The following FBP2 variants were observed in gnomAD, a reference collection of about 807,000 sequenced individuals.
The protein encoded by FBP2 is fructose-1,6-bisphosphatase isozyme 2.
A neutral mutation model predicts 31.6 loss-of-function variants in FBP2; 27 were observed. That is an observed-to-expected ratio of 0.85 (90% CI 0.63 to 1.18). The LOEUF is 1.18. Among genes scored for constraint, FBP2 ranks in the 50% most tolerant of loss-of-function variants. The pLI is 0.00. For synonymous variants in FBP2, 168 were observed against 179.8 expected (o/e 0.93, Z 0.53); for missense variants, 421 against 436.1 (o/e 0.97, Z 0.31).
Position 94,584,616 on chromosome 9 carries a change from G to C in FBP2, c.387C>G (p.Cys129Trp). 6.2e-7 allele frequency: 1 copy of C among 1,613,726 alleles called. No individual in the cohort carries two copies. Among genetic ancestry groups the C allele is most frequent in the South Asian group, 1.1e-5 (1 of 91,074 alleles). ...CAAAGATGGTTCCGATGGAGGCCAG[G>C]CAGTCAATATTGGAAGATCCATCCA... Reference protein sequence around the residue: ...DPLDGSSNIDCLASIGTIFAI... With the variant: ...DPLDGSSNIDWLASIGTIFAI... Residue 129 changes from cysteine to tryptophan, a missense_variant, in exon 3 of 7, where the codon TGC (cysteine) becomes TGG (tryptophan). Cys to Trp is a radical substitution (Grantham distance 215). Transcript: ENST00000375337.
At chr9:94,580,725 T>A (rs570639376) in intron 3 of FBP2, among the ~76,000 whole-genome samples, 25 of 152,322 alleles carry the variant, frequency 1.6e-4, no homozygotes, top group African/African-American at 5.8e-4. Flanking sequence ...TTAAAATCAT[T>A]TTACAGGTTC....
intron 5 of FBP2, among the ~76,000 whole-genome samples, chr9:94,564,416 C>A (rs190615288): frequency 6.6e-6 from 1 of 152,150 alleles, no homozygotes; most frequent in African/African-American, 2.4e-5. Flanking sequence ...AACCTAAATG[C>A]CCATCAGTGG....
chr9:94,581,287 A>C (rs1827370152), intron 3 of FBP2, among the ~76,000 whole-genome samples: 2 of 152,164 alleles, frequency 1.3e-5, no homozygotes, highest in African/African-American at 4.8e-5. Context: ...AGAGCCTCCA[A>C]ATCCAGGACG....
intron 4 of FBP2, chr9:94,567,627 C>A: frequency 2.0e-6 from 1 of 507,246 alleles, no homozygotes; most frequent in Non-Finnish European, 3.5e-6. Flanking sequence ...ACACAGCAAG[C>A]AGGAAGACAA....
At chr9:94,582,351 C>CGTGTGTGTGT (rs71366248) in intron 3 of FBP2, among the ~76,000 whole-genome samples, 2 of 147,744 alleles carry the variant, frequency 1.4e-5, no homozygotes, top group South Asian at 2.2e-4. Context: ...TGTGTGTGTG[C>CGTGTGTGTGT]GTGTGTGTGT....
intron 1 of FBP2, among the ~76,000 whole-genome samples, chr9:94,591,783 G>T (rs913134413): frequency 6.6e-6 from 1 of 152,208 alleles, no homozygotes; most frequent in Admixed American, 6.5e-5. Flanking sequence ...AGTTAGGGAT[G>T]CTACTATACT....
intron 1 of FBP2, among the ~76,000 whole-genome samples, chr9:94,590,293 C>T (rs1039916100): frequency 6.6e-6 from 1 of 152,194 alleles, no homozygotes; most frequent in Non-Finnish European, 1.5e-5. Context: ...ATGAGAAAGC[C>T]AAGGAGAGGC....
intron 6 of FBP2, among the ~76,000 whole-genome samples, chr9:94,562,063 G>A (rs1827113942): frequency 1.3e-5 from 2 of 152,088 alleles, no homozygotes; most frequent in African/African-American, 4.8e-5. Context: ...TGTAATCCCA[G>A]CACTTTGGGA....
At chr9:94,585,406 A>G (rs1489426583) in intron 2 of FBP2, among the ~76,000 whole-genome samples, 1 of 152,050 alleles carries the variant, frequency 6.6e-6, no homozygotes, top group Non-Finnish European at 1.5e-5. Flanking sequence ...CCCGGCAGCA[A>G]GGCTGGATTT....
At chr9:94,560,768 A>G (rs913970375) in intron 6 of FBP2, among the ~76,000 whole-genome samples, 7 of 147,514 alleles carry the variant, frequency 4.7e-5, no homozygotes, top group South Asian at 2.1e-4. Flanking sequence ...ATATAATGTT[A>G]TTATATATTT....
intron 5 of FBP2, 51 bp from the exon 6 acceptor site, chr9:94,563,512 C>T (rs761102405): frequency 6.3e-7 from 1 of 1,587,274 alleles, no homozygotes; most frequent in Admixed American, 1.7e-5. Context: ...CAGGATTAGC[C>T]AGCACCTGCT....
intron 6 of FBP2, among the ~76,000 whole-genome samples, chr9:94,560,555 A>G (rs897884498): frequency 6.6e-6 from 1 of 151,880 alleles, no homozygotes; most frequent in Non-Finnish European, 1.5e-5. Flanking sequence ...TTCATTCTCC[A>G]TTATCACCTT....
chr9:94,589,957 G>A (rs56385954), intron 1 of FBP2, among the ~76,000 whole-genome samples: 11,850 of 152,154 alleles, frequency 0.078, 560 homozygotes, highest in Middle Eastern at 0.15. Context: ...GAATCTGAAT[G>A]CGCTTGCCAC....
At chr9:94,579,763 T>A (rs76171708) in intron 3 of FBP2, among the ~76,000 whole-genome samples, 7,730 of 152,294 alleles carry the variant, frequency 0.051, 269 homozygotes, top group Middle Eastern at 0.095. Flanking sequence ...TTCAGCTTTT[T>A]CTCCCCTTGA....
intron 6 of FBP2, among the ~76,000 whole-genome samples, chr9:94,561,350 GTATTTTT>G (rs1201063980): frequency 0.011 from 632 of 59,780 alleles, 11 homozygotes; most frequent in African/African-American, 0.029. Context: ...CATGTGACCT[GTATTTTT>G]TTTTTTTTTT....
At chr9:94,579,023 A>C (rs183008660) in intron 3 of FBP2, among the ~76,000 whole-genome samples, 2,175 of 123,016 alleles carry the variant, frequency 0.018, 35 homozygotes, top group Non-Finnish European at 0.026. Flanking sequence ...ACTGCACTCC[A>C]GCCTGGGCAA....
At chr9:94,559,246 G>GGTGCGCTCATGCT in intron 6 of FBP2, 114 bp from the exon 7 acceptor site, 1 of 852,192 alleles carries the variant, frequency 1.2e-6, no homozygotes, top group Non-Finnish European at 1.8e-6. Context: ...TGGCTAGCAT[G>GGTGCGCTCATGCT]AGCGCACCAT....
chr9:94,563,521 C>A, intron 5 of FBP2, 60 bp from the exon 6 acceptor site: 1 of 1,577,186 alleles, frequency 6.3e-7, no homozygotes, highest in Non-Finnish European at 8.6e-7. Context: ...CCAGCACCTG[C>A]TCGTGGTCAC....
intron 5 of FBP2, among the ~76,000 whole-genome samples, chr9:94,565,692 A>C (rs1450959991): frequency 6.6e-6 from 1 of 152,068 alleles, no homozygotes; most frequent in Non-Finnish European, 1.5e-5. Context: ...CTCTATAAAG[A>C]AAAGCTACGA....
Sources: gnomAD v4.1 joint callset for allele counts (sites outside exome capture counted in the v4.1 genomes callset) on GRCh38, gnomAD v4.1.1 for gene constraint, MANE v1.5 for transcripts, NCBI Gene and HGNC (gene_info 2026-07-23, HGNC 2026-07-21) for gene names.